Variants in COL4A1 observed in about 807,000 individuals in gnomAD.
The protein encoded by COL4A1 is collagen type IV alpha 1 chain, also known as collagen alpha-1(IV) chain.
COL4A1 carries 40 observed loss-of-function variants against 216.6 expected under a neutral mutation model. The ratio of observed to expected loss-of-function variants is 0.18; its 90% CI spans 0.14 to 0.24. The LOEUF is 0.24. COL4A1 is among the 10% of genes least tolerant of loss of function. The pLI, the probability that COL4A1 is intolerant of heterozygous loss-of-function variation, is 1.00. For missense variants in COL4A1, 1,628 were observed against 2,196.8 expected (o/e 0.74, Z 5.18); for synonymous variants, 839 against 810.7 (o/e 1.03, Z -0.59).
At chr13:110,200,195 T>C (rs753116570) in intron 20 of COL4A1, among the ~76,000 whole-genome samples, 14 of 152,258 alleles carry the variant, frequency 9.2e-5, no homozygotes, top group Non-Finnish European at 1.9e-4. Flanking sequence ...TCGGGTCAGC[T>C]CTGGGACCTG....
rs1838557 is a variant in COL4A1 at position 110,169,487 on chromosome 13, G to A, written c.3876+142C>T. On this transcript the variant is annotated intron_variant, in intron 43 of 51. Coordinates refer to ENST00000375820, the MANE Select transcript of COL4A1 (RefSeq NM_001845.6). ...AAGAAAGAACTGATTTAGTGGGGAT[G>A]TGGGAGTGTAACACACACACACACA... The A allele has an allele frequency of 0.53, 713,300 of 1,347,000 alleles. 185,851 individuals carry two copies. The highest frequency in any genetic ancestry group is 0.55 in the Middle Eastern group (2,747 of 4,984). 83.4% of individuals were successfully genotyped at this position (1,347,000 alleles called of 1,614,324 possible).
chr13:110,219,870 G>GTATATATGTGTGTA (rs1880363318), intron 2 of COL4A1, among the ~76,000 whole-genome samples: 11 of 103,510 alleles, frequency 1.1e-4, no homozygotes, highest in African/African-American at 3.6e-4. Flanking sequence ...ATATGTGTGT[G>GTATATATGTGTGTA]TATATATGTA....
chr13:110,214,513 T>C (rs1212173114), intron 2 of COL4A1, among the ~76,000 whole-genome samples: 1 of 152,162 alleles, frequency 6.6e-6, no homozygotes, highest in Non-Finnish European at 1.5e-5. Context: ...TTTGAATACA[T>C]GGACAGTAAG....
At chr13:110,250,657 C>A (rs1056951783) in intron 1 of COL4A1, among the ~76,000 whole-genome samples, 1 of 152,134 alleles carries the variant, frequency 6.6e-6, no homozygotes, top group African/African-American at 2.4e-5. Context: ...GTCAGTGGTT[C>A]CTTGGATGGC....
intron 1 of COL4A1, among the ~76,000 whole-genome samples, chr13:110,258,903 G>A (rs889490111): frequency 4.6e-5 from 7 of 152,194 alleles, no homozygotes; most frequent in Admixed American, 1.3e-4. Flanking sequence ...CATTAAAAGT[G>A]GAAAATACAT....
intron 28 of COL4A1, 51 bp from the exon 29 acceptor site, chr13:110,181,440 C>G (rs777648812): frequency 6.7e-7 from 1 of 1,484,024 alleles, no homozygotes; most frequent in Admixed American, 1.8e-5. Context: ...ATTGCGATTA[C>G]AATGCCGTTC....
chr13:110,207,968 A>G lies in COL4A1; in HGVS notation c.694-479T>C, dbSNP rs1446320573. Among the ~76,000 whole-genome samples, 6 of 152,218 alleles carry G rather than the reference A, an allele frequency of 3.9e-5. No homozygotes were observed. The highest frequency in any genetic ancestry group is 2.9e-5 in the Non-Finnish European group (2 of 68,038). On this transcript the variant is annotated intron_variant, in intron 12 of 51. Transcript: ENST00000375820. This position sits in a 1 kb window ranked among gnomAD's most constrained non-coding sequence, Gnocchi z 4.4. Reference sequence around the variant, plus strand: ...CAACTGCATACATTTCAGAGTCACTATATTTCAAAGTTTATGAAAAGACTG... The same window carrying G: ...CAACTGCATACATTTCAGAGTCACTGTATTTCAAAGTTTATGAAAAGACTG...
intron 1 of COL4A1, among the ~76,000 whole-genome samples, chr13:110,301,715 G>C (rs910999701): frequency 3.3e-5 from 5 of 152,330 alleles, no homozygotes; most frequent in Middle Eastern, 3.4e-3. Context: ...GAAGACGAGA[G>C]GACACTGCAG....
At chr13:110,227,896 C>G (rs1050062767) in intron 2 of COL4A1, among the ~76,000 whole-genome samples, 1 of 152,170 alleles carries the variant, frequency 6.6e-6, no homozygotes, top group Non-Finnish European at 1.5e-5. Flanking sequence ...CTCGGGTCTC[C>G]GGGGAGGCCC....
At chr13:110,256,781 G>A (rs547717277) in intron 1 of COL4A1, among the ~76,000 whole-genome samples, 1 of 152,236 alleles carries the variant, frequency 6.6e-6, no homozygotes, top group Non-Finnish European at 1.5e-5. Flanking sequence ...AACAAGGATA[G>A]CAAATAGATA....
chr13:110,265,551 G>A lies in COL4A1; in HGVS notation c.85-22817C>T, dbSNP rs556855985. 3.3e-5 allele frequency: 5 copies of A among 152,290 alleles called. No homozygotes were observed. In the South Asian group the frequency reaches 1.0e-3, roughly 32 times the overall value. 9.4% of individuals were successfully genotyped at this position (152,290 alleles called of 1,614,324 possible). The stretch of plus-strand genomic sequence containing the variant: ...GAAGTGTGTGACGCTGAGAGTCAGG[G>A]GAGCTGATTCTGGTGACAAGGACAC... On this transcript the variant is annotated intron_variant, in intron 1 of 51. Coordinates refer to ENST00000375820, the MANE Select transcript of COL4A1 (RefSeq NM_001845.6).
chr13:110,235,721 T>TA (rs1300351615), intron 2 of COL4A1, among the ~76,000 whole-genome samples: 1 of 151,924 alleles, frequency 6.6e-6, no homozygotes, highest in Non-Finnish European at 1.5e-5. Context: ...TATTATTCTT[T>TA]AATAATTACT....
intron 2 of COL4A1, among the ~76,000 whole-genome samples, chr13:110,224,852 C>A (rs1880663807): frequency 6.6e-6 from 1 of 151,788 alleles, no homozygotes; most frequent in African/African-American, 2.4e-5. Context: ...GGAAACACCA[C>A]AAGGTAGGTG....
rs1880266966 is a variant in COL4A1, at chr13:110,219,516, A to G, written c.145-5501T>C. ...CCAGCCCAGACGTCTAGCTTGAGAC[A>G]GTGAATATCAGGAAATGTGTGCAGT... On this transcript the variant is annotated intron_variant, in intron 2 of 51. Coordinates refer to ENST00000375820, the MANE Select transcript of COL4A1 (RefSeq NM_001845.6). Among the ~76,000 whole-genome samples, 3 of 151,982 alleles carry G rather than the reference A, an allele frequency of 2.0e-5. No homozygotes were observed. The South Asian group carries it at 6.2e-4, about 32-fold the overall frequency.
At chr13:110,190,794 G>C (rs1298874173) in intron 24 of COL4A1, 1 of 152,190 alleles carries the variant, frequency 6.6e-6, no homozygotes, top group African/African-American at 2.4e-5. Flanking sequence ...ACTCCGGAAA[G>C]AAAGGAGCTC....
intron 2 of COL4A1, among the ~76,000 whole-genome samples, chr13:110,218,867 C>T (rs903479428): frequency 1.3e-5 from 2 of 152,198 alleles, no homozygotes; most frequent in African/African-American, 2.4e-5. Context: ...AATGAAAGCC[C>T]TCACATTTGA....
At chr13:110,296,089 C>T (rs573124039) in intron 1 of COL4A1, among the ~76,000 whole-genome samples, 1 of 152,364 alleles carries the variant, frequency 6.6e-6, no homozygotes, top group African/African-American at 2.4e-5. Context: ...TAAACTAGGA[C>T]CTTCCCATAA....
At chr13:110,157,795 G>C (rs1280749656) in intron 49 of COL4A1, among the ~76,000 whole-genome samples, 1 of 152,128 alleles carries the variant, frequency 6.6e-6, no homozygotes, top group African/African-American at 2.4e-5. Context: ...AAAACATACA[G>C]AGACTTAGAC....
At chr13:110,209,007 A>C in intron 11 of COL4A1, 117 bp from the exon 12 acceptor site, 1 of 1,052,656 alleles carries the variant, frequency 9.5e-7, no homozygotes. Flanking sequence ...GCTTTGTCCC[A>C]TAACTCTCAT....
Sources: gnomAD v4.1 joint callset for allele counts (sites outside exome capture counted in the v4.1 genomes callset) on GRCh38, gnomAD v4.1.1 for gene constraint, Gnocchi (gnomAD v3.1) non-coding constraint, MANE v1.5 for transcripts, NCBI Gene and HGNC (gene_info 2026-07-23, HGNC 2026-07-21) for gene names.